TXNDC15: variants seen among roughly 807,000 people sequenced by gnomAD.
TXNDC15 encodes thioredoxin domain-containing protein 15.
TXNDC15 carries 24 observed loss-of-function variants against 35.0 expected under a neutral mutation model. That is an observed-to-expected ratio of 0.68 (90% confidence interval 0.50 to 0.96). The LOEUF (loss-of-function observed/expected upper bound fraction) is 0.96, where lower values mean the gene tolerates loss of function less well. Ranked by LOEUF, TXNDC15 falls within the 40% of genes least tolerant of loss-of-function variation. The pLI is 0.00. For missense variants in TXNDC15, 385 were observed against 453.3 expected, an observed-to-expected ratio of 0.85 and a Z score of 1.37; for synonymous variants, 169 against 174.0, an observed-to-expected ratio of 0.97 and a Z score of 0.23.
intron 3 of TXNDC15, among the ~76,000 whole-genome samples, chr5:134,894,758 C>G (rs1305261568): frequency 1.3e-5 from 2 of 152,148 alleles, no homozygotes; most frequent in African/African-American, 4.8e-5. Flanking sequence ...AACTGTTCTT[C>G]TCTTCCAAAT....
chr5:134,896,153 G>C, intron 3 of TXNDC15, 141 bp from the exon 4 acceptor site: 1 of 1,018,734 alleles, frequency 9.8e-7, no homozygotes, highest in South Asian at 1.7e-5. Flanking sequence ...AAATGAAAAA[G>C]CCAAAAGTTT....
At chr5:134,884,056 T>TA in intron 1 of TXNDC15, among the ~76,000 whole-genome samples, 1 of 148,550 alleles carries the variant, frequency 6.7e-6, no homozygotes, top group Non-Finnish European at 1.5e-5. Flanking sequence ...TCATCTCTAC[T>TA]AAAAAATACA....
At chr5:134,874,306 G>A (rs1749981431), upstream of TXNDC15, 2 of 763,486 alleles carry the variant, frequency 2.6e-6, no homozygotes, top group Admixed American at 3.3e-5. Context: ...CGCCACAGCT[G>A]CCAGGTGTTA....
chr5:134,888,982 A>T (rs1184974671), intron 2 of TXNDC15, among the ~76,000 whole-genome samples: 1 of 152,192 alleles, frequency 6.6e-6, no homozygotes, highest in Non-Finnish European at 1.5e-5. Flanking sequence ...ATGCATTCAC[A>T]CTGCTTATGT....
Position 134,898,745 on chromosome 5 carries a change from G to C in TXNDC15, c.887-744G>C, listed in dbSNP as rs150585832. 2.5e-3 allele frequency among the ~76,000 whole-genome samples: 382 copies of C among 152,236 alleles called. 1 individual carries two copies. The highest frequency in any genetic ancestry group is 7.6e-3 in the African/African-American group (314 of 41,538). On this transcript the variant is annotated intron_variant, in intron 4 of 4. Coordinates refer to ENST00000358387, the MANE Select transcript of TXNDC15 (RefSeq NM_024715.4). ...TTGGTAATCCCTGTTTCCGTTGGTGGCTTGTTGTTATAACAGTTCTTTCAG... is the reference window on the plus strand; with the variant it reads ...TTGGTAATCCCTGTTTCCGTTGGTGCCTTGTTGTTATAACAGTTCTTTCAG...
intron 1 of TXNDC15, among the ~76,000 whole-genome samples, chr5:134,876,007 A>G (rs1175722266): frequency 2.6e-5 from 4 of 152,174 alleles, no homozygotes; most frequent in East Asian, 1.9e-4. Context: ...AGATGTTATC[A>G]TGCTCATTTT....
chr5:134,883,002 G>A (rs1186576827), intron 1 of TXNDC15, among the ~76,000 whole-genome samples: 1 of 152,186 alleles, frequency 6.6e-6, no homozygotes, highest in Non-Finnish European at 1.5e-5. Context: ...TTAAAAGTAC[G>A]ATTTGGGCTG....
At chr5:134,876,294 G>A (rs532811469) in intron 1 of TXNDC15, among the ~76,000 whole-genome samples, 6 of 152,314 alleles carry the variant, frequency 3.9e-5, no homozygotes, top group Admixed American at 1.3e-4. Context: ...GGAATGAGGG[G>A]AGAGTGAGGT....
chr5:134,881,917 G>C (rs1750155913), intron 1 of TXNDC15, among the ~76,000 whole-genome samples: 1 of 147,700 alleles, frequency 6.8e-6, no homozygotes, highest in Non-Finnish European at 1.5e-5. Context: ...CTGACCTCCC[G>C]GACGGGGCGG....
intron 2 of TXNDC15, among the ~76,000 whole-genome samples, chr5:134,888,611 G>C (rs1039237265): frequency 6.6e-6 from 1 of 152,122 alleles, no homozygotes; most frequent in African/African-American, 2.4e-5. Flanking sequence ...AGTCTCCCAT[G>C]TAGCTGGGAT....
chr5:134,896,321 T>G lies in TXNDC15; in HGVS notation c.783T>G (p.Ala261=). Residue 261 remains alanine, a synonymous_variant, in exon 4 of 5, where the codon GCT becomes GCG. Transcript: ENST00000358387. ...TTTCTACCAGGTTTGGCACCGTAGC[T>G]GTTCCTAATATTTTATTATTTCAAG... ...SSLSTRFGTV[A]VPNILLFQGA... 6.2e-7 allele frequency: 1 copy of G among 1,613,930 alleles called. No individual in the cohort carries two copies.
At chr5:134,877,975 A>T (rs1750073833) in intron 1 of TXNDC15, among the ~76,000 whole-genome samples, 3 of 152,070 alleles carry the variant, frequency 2.0e-5, no homozygotes, top group Non-Finnish European at 4.4e-5. Flanking sequence ...GGGTTTCGCC[A>T]TGTTGGCCAG....
intron 1 of TXNDC15, 59 bp downstream of exon 1, chr5:134,874,589 C>A: frequency 1.4e-6 from 2 of 1,422,462 alleles, no homozygotes; most frequent in South Asian, 1.2e-5. Context: ...TCCACCCGGG[C>A]GACGCTCTGG....
intron 1 of TXNDC15, chr5:134,875,009 T>C: frequency 2.5e-6 from 1 of 397,312 alleles, no homozygotes; most frequent in Non-Finnish European, 5.0e-6. Context: ...ATGAAGATGC[T>C]CAGGCCCCGC....
At chr5:134,893,055 G>C (rs2150189422) in intron 2 of TXNDC15, 1 of 157,698 alleles carries the variant, frequency 6.3e-6, no homozygotes, top group South Asian at 1.9e-4. Context: ...ACATGCTGTT[G>C]GAAAAATGGT....
intron 1 of TXNDC15, among the ~76,000 whole-genome samples, chr5:134,885,549 T>TG (rs946301151): frequency 3.3e-5 from 5 of 152,144 alleles, no homozygotes; most frequent in Admixed American, 2.0e-4. Flanking sequence ...GCTGTATACT[T>TG]GGGGGGGCCT....
chr5:134,874,207 A>G, upstream of TXNDC15: 1 of 521,870 alleles, frequency 1.9e-6, no homozygotes, highest in Non-Finnish European at 3.4e-6. Context: ...ACGACCTGCA[A>G]CGTCTGGCGC....
chr5:134,892,467 C>T (rs1426138166), intron 2 of TXNDC15: 1 of 152,194 alleles, frequency 6.6e-6, no homozygotes, highest in African/African-American at 2.4e-5. Context: ...GTTTTGCTTT[C>T]TTATCATTTG....
At position 134,900,242 on chromosome 5, in the gene TXNDC15, TTTAAG is replaced by T. The variant is rs1561902972; in HGVS notation, c.*560_*564del. 6.6e-6 allele frequency: 1 copy of T among 152,370 alleles called. No homozygotes were observed. Among genetic ancestry groups the T allele is most frequent in the African/African-American group, 2.4e-5 (1 of 41,454 alleles). 9.4% of individuals were successfully genotyped at this position (152,370 alleles called of 1,614,324 possible). On this transcript the variant is annotated 3_prime_UTR_variant, in exon 5 of 5. Coordinates refer to ENST00000358387, the MANE Select transcript of TXNDC15 (RefSeq NM_024715.4). ...CTCTAACTCAAAAAATTTGAAGTGT[TTTAAG>T]TTGTTTCTGGGTAAGGGAGATGTTA...
Sources: allele counts gnomAD v4.1 joint callset (sites outside exome capture counted in the v4.1 genomes callset), GRCh38; gene constraint gnomAD v4.1.1; transcripts MANE v1.5; gene names NCBI Gene and HGNC (gene_info 2026-07-23, HGNC 2026-07-21).